SLC35F4: variants seen among roughly 807,000 people sequenced by gnomAD.
The protein encoded by SLC35F4 is chromosome 14 open reading frame 36.
A neutral mutation model predicts 44.2 loss-of-function variants in SLC35F4; 24 were observed. The ratio of observed to expected loss-of-function variants is 0.54; its 90% CI spans 0.39 to 0.76. The LOEUF is 0.76. SLC35F4 is among the 30% of genes least tolerant of loss of function. The pLI is 0.00. For synonymous variants in SLC35F4, 238 were observed against 223.6 expected, an observed-to-expected ratio of 1.06 and a Z score of -0.57; for missense variants, 562 against 586.1, an observed-to-expected ratio of 0.96 and a Z score of 0.42.
chr14:57,827,872 C>T (rs1347610351), intron 1 of SLC35F4, among the ~76,000 whole-genome samples: 2 of 151,558 alleles, frequency 1.3e-5, no homozygotes, highest in Admixed American at 6.6e-5. Context: ...TTTCTAAATG[C>T]ATGAACAATT....
At chr14:57,813,942 TTAGGGTC>T (rs1192255740) in intron 1 of SLC35F4, among the ~76,000 whole-genome samples, 16 of 152,154 alleles carry the variant, frequency 1.1e-4, no homozygotes, top group African/African-American at 3.6e-4. Context: ...TGGGGACGCT[TTAGGGTC>T]TAGAAGTCTA....
chr14:57,702,331 T>TAAAAA (rs5808935), intron 1 of SLC35F4, among the ~76,000 whole-genome samples: 10 of 136,612 alleles, frequency 7.3e-5, no homozygotes, highest in East Asian at 6.3e-4. Flanking sequence ...TCATTTTCTT[T>TAAAAA]AAAAAAAAAA....
intron 3 of SLC35F4, among the ~76,000 whole-genome samples, chr14:57,586,469 G>A (rs886853741): frequency 2.0e-5 from 3 of 152,028 alleles, no homozygotes; most frequent in African/African-American, 7.2e-5. Flanking sequence ...TGTAATCCCA[G>A]CACTTTGGGA....
chr14:57,607,805 G>C (rs76471544), intron 1 of SLC35F4, among the ~76,000 whole-genome samples: 2,344 of 152,266 alleles, frequency 0.015, 48 homozygotes, highest in African/African-American at 0.053. Context: ...AAGTGGCCTT[G>C]AAGAGGTGGC....
chr14:57,964,208 CT>C (rs1351721513), intron 1 of SLC35F4, among the ~76,000 whole-genome samples: 1 of 152,106 alleles, frequency 6.6e-6, no homozygotes, highest in Non-Finnish European at 1.5e-5. Flanking sequence ...AGAGAGGAAG[CT>C]AGCTTGGCTA....
At chr14:57,830,271 G>A (rs370859841) in intron 1 of SLC35F4, among the ~76,000 whole-genome samples, 2 of 152,056 alleles carry the variant, frequency 1.3e-5, no homozygotes, top group African/African-American at 4.8e-5. Flanking sequence ...GTAATCCTTG[G>A]TTTCGTGATC....
intron 1 of SLC35F4, chr14:57,630,692 G>A (rs539305819): frequency 2.0e-5 from 12 of 589,914 alleles, no homozygotes; most frequent in Non-Finnish European, 3.7e-5. Context: ...GCCATTGACA[G>A]TATAAACCAT....
At chr14:57,575,810 G>A (rs770221030) in intron 4 of SLC35F4, among the ~76,000 whole-genome samples, 1 of 152,128 alleles carries the variant, frequency 6.6e-6, no homozygotes, top group Non-Finnish European at 1.5e-5. Context: ...GTGGCCATTT[G>A]AGCCTGTTCC....
At chr14:57,967,726 G>C (rs1164863725) in intron 1 of SLC35F4, among the ~76,000 whole-genome samples, 1 of 152,136 alleles carries the variant, frequency 6.6e-6, no homozygotes, top group Non-Finnish European at 1.5e-5. Flanking sequence ...TTGTAAGTTG[G>C]TGTAGAGTTA....
intron 1 of SLC35F4, among the ~76,000 whole-genome samples, chr14:57,758,470 GT>G (rs1273745190): frequency 6.6e-6 from 1 of 151,768 alleles, no homozygotes; most frequent in African/African-American, 2.4e-5. Context: ...TATTCAGTAT[GT>G]TTTTTATCCC....
At chr14:57,606,893 C>G (rs2071194512) in intron 1 of SLC35F4, among the ~76,000 whole-genome samples, 1 of 152,172 alleles carries the variant, frequency 6.6e-6, no homozygotes, top group African/African-American at 2.4e-5. Flanking sequence ...GGCTACTGGC[C>G]TAATTCTGTG....
At chr14:57,611,340 G>A (rs2071484383) in intron 1 of SLC35F4, among the ~76,000 whole-genome samples, 1 of 152,172 alleles carries the variant, frequency 6.6e-6, no homozygotes, top group African/African-American at 2.4e-5. Context: ...AAGAAGACAG[G>A]ATTGGTCATA....
chr14:57,870,122 A>ATGTG (rs1423045505), upstream of SLC35F4, among the ~76,000 whole-genome samples: 1 of 121,368 alleles, frequency 8.2e-6, no homozygotes, highest in Non-Finnish European at 1.7e-5. Context: ...TTTGTCTATG[A>ATGTG]TCTGTGTGTG....
chr14:57,871,429 T>A (rs181640896), intron 1 of SLC35F4, among the ~76,000 whole-genome samples: 9 of 152,320 alleles, frequency 5.9e-5, no homozygotes, highest in East Asian at 1.9e-4. Flanking sequence ...AAGATTTTTT[T>A]AAACCCTTTT....
intron 1 of SLC35F4, among the ~76,000 whole-genome samples, chr14:57,731,913 T>C (rs1232963607): frequency 6.6e-6 from 1 of 152,214 alleles, no homozygotes; most frequent in Non-Finnish European, 1.5e-5. Context: ...GAAGTTTTGA[T>C]GTCATGCCAG....
chr14:57,854,906 T>G (rs555785887), intron 1 of SLC35F4, among the ~76,000 whole-genome samples: 2 of 152,354 alleles, frequency 1.3e-5, no homozygotes, highest in South Asian at 2.1e-4. Context: ...CATTGTGAAC[T>G]TGGACAATTT....
At chr14:57,704,645 T>G (rs910121004) in intron 1 of SLC35F4, among the ~76,000 whole-genome samples, 22 of 151,988 alleles carry the variant, frequency 1.4e-4, no homozygotes, top group Non-Finnish European at 1.5e-5. Flanking sequence ...GAAAGATGCA[T>G]GAGAAGGCCA....
intron 1 of SLC35F4, among the ~76,000 whole-genome samples, chr14:57,736,445 C>T (rs1027240088): frequency 1.3e-5 from 2 of 152,204 alleles, no homozygotes; most frequent in African/African-American, 2.4e-5. Flanking sequence ...GTAAAATCTT[C>T]AAGGTCCACC....
chr14:57,711,052 C>A (rs1419572106), intron 1 of SLC35F4, among the ~76,000 whole-genome samples: 1 of 151,978 alleles, frequency 6.6e-6, no homozygotes, highest in Non-Finnish European at 1.5e-5. Context: ...GTGTCCCCAC[C>A]CAAATCTCAT....
Sources: gnomAD v4.1 joint callset for allele counts (sites outside exome capture counted in the v4.1 genomes callset) on GRCh38, gnomAD v4.1.1 for gene constraint, MANE v1.5 for transcripts, NCBI Gene and HGNC (gene_info 2026-07-23, HGNC 2026-07-21) for gene names.